OSBPL9: variants seen among roughly 807,000 people sequenced by gnomAD.
OSBPL9 encodes the protein oxysterol-binding protein-related protein 9.
A neutral mutation model predicts 106.6 loss-of-function variants in OSBPL9; 40 were observed. The ratio of observed to expected loss-of-function variants is 0.38; its 90% CI spans 0.29 to 0.49. The LOEUF (loss-of-function observed/expected upper bound fraction) is 0.49, where lower values mean the gene tolerates loss of function less well. OSBPL9 is among the 20% of genes least tolerant of loss of function. The probability of loss-of-function intolerance (pLI) is 0.97; values close to 1 mark genes in which losing one functional copy is unlikely to be tolerated. For missense variants in OSBPL9, 609 were observed against 887.2 expected, an observed-to-expected ratio of 0.69 and a Z score of 3.98; for synonymous variants, 269 against 295.4, an observed-to-expected ratio of 0.91 and a Z score of 0.92.
At chr1:51,739,451 C>G (rs1273339178) in intron 4 of OSBPL9, among the ~76,000 whole-genome samples, 1 of 151,938 alleles carries the variant, frequency 6.6e-6, no homozygotes, top group Non-Finnish European at 1.5e-5. Flanking sequence ...AAAGACCTTA[C>G]TTTTCAGGGC....
chr1:51,617,335 C>A, intron 1 of OSBPL9, 114 bp downstream of exon 1: 1 of 1,061,110 alleles, frequency 9.4e-7, no homozygotes, highest in East Asian at 2.7e-5. Context: ...GGGGTGCCGC[C>A]GTACGCGAGG....
At chr1:51,642,196 C>G (rs1645845166) in intron 1 of OSBPL9, among the ~76,000 whole-genome samples, 1 of 152,050 alleles carries the variant, frequency 6.6e-6, no homozygotes, top group South Asian at 2.1e-4. Context: ...TTGAGGGTTA[C>G]GTTAATGAAA....
Position 51,784,574 on chromosome 1 carries a change from C to G in OSBPL9, c.1821C>G (p.Ala607=), listed in dbSNP as rs772419514. The G allele has an allele frequency of 1.9e-6, 3 of 1,613,678 alleles. No homozygotes were observed. The highest frequency in any genetic ancestry group is 2.2e-5 in the East Asian group (1 of 44,884). Reference sequence around the variant, plus strand: ...GGGGCAAGAAGCACAGAATTACTGCCGAGATTTTGTAGGTATTTTTTCTGC... The same window carrying G: ...GGGGCAAGAAGCACAGAATTACTGCGGAGATTTTGTAGGTATTTTTTCTGC... The part of the protein sequence containing the change: ...FYGGKKHRIT[A]EIFSPNDKKS... The change falls in exon 20 of 24, where the codon GCC becomes GCG. Residue 607 remains alanine (A), a synonymous_variant. Coordinates refer to ENST00000428468, the MANE Select transcript of OSBPL9 (RefSeq NM_024586.6).
In OSBPL9 at chr1:51,705,138, G is replaced by A. The variant is rs116797708; in HGVS notation, c.242-8865G>A. Among the ~76,000 whole-genome samples, 969 of 151,306 alleles carry A rather than the reference G, an allele frequency of 6.4e-3. 7 individuals carry two copies. Among genetic ancestry groups the A allele is most frequent in the Non-Finnish European group, 0.011 (758 of 67,830 alleles). ...CTTTTTAAAAATCTTTTATTTGATG[G>A]TATGTCTGAAAATCACTCCAAATCA... On this transcript the variant is annotated intron_variant, in intron 3 of 23. Transcript: ENST00000428468.
intron 3 of OSBPL9, among the ~76,000 whole-genome samples, chr1:51,672,782 G>A (rs1261047767): frequency 6.6e-6 from 1 of 152,218 alleles, no homozygotes; most frequent in East Asian, 1.9e-4. Context: ...CAAGAATGGA[G>A]TTGCCATTAA....
intron 1 of OSBPL9, among the ~76,000 whole-genome samples, chr1:51,594,463 A>C (rs1390985352): frequency 1.3e-5 from 2 of 152,136 alleles, no homozygotes; most frequent in African/African-American, 2.4e-5. Flanking sequence ...AGAAAATTTC[A>C]CAATCACAAT....
At chr1:51,645,925 G>C (rs1646127669) in intron 1 of OSBPL9, among the ~76,000 whole-genome samples, 1 of 152,082 alleles carries the variant, frequency 6.6e-6, no homozygotes, top group Non-Finnish European at 1.5e-5. Flanking sequence ...ACTTGATTAT[G>C]TATGTATGGG....
chr1:51,560,354 G>A, the OSBPL9 span, among the ~76,000 whole-genome samples: 10,757 of 152,258 alleles, frequency 0.071, 906 homozygotes, highest in African/African-American at 0.21. Flanking sequence ...TCTTGGACAT[G>A]TCGCTTGGTG....
At chr1:51,763,006 G>A (rs1291611805) in intron 11 of OSBPL9, among the ~76,000 whole-genome samples, 3 of 151,864 alleles carry the variant, frequency 2.0e-5, no homozygotes, top group African/African-American at 4.8e-5. Context: ...TTGTTTAAAC[G>A]TTTTGTTTTT....
intron 1 of OSBPL9, among the ~76,000 whole-genome samples, chr1:51,585,556 T>C (rs1645243447): frequency 6.6e-6 from 1 of 152,062 alleles, no homozygotes; most frequent in African/African-American, 2.4e-5. Flanking sequence ...GGAAGGCAGA[T>C]CACAAGGTCA....
chr1:51,760,578 A>C (rs1259627072), intron 9 of OSBPL9, 112 bp from the exon 10 acceptor site: 16 of 1,476,436 alleles, frequency 1.1e-5, no homozygotes, highest in Non-Finnish European at 1.5e-5. Context: ...TTTGATCAAC[A>C]TATCTATATA....
chr1:51,574,758 C>T (rs1282480384), upstream of OSBPL9, among the ~76,000 whole-genome samples: 3 of 152,156 alleles, frequency 2.0e-5, no homozygotes, highest in East Asian at 1.9e-4. Flanking sequence ...ATCCCTTACA[C>T]ATATTTATGT....
At chr1:51,587,357 T>C (rs1484635560) in intron 1 of OSBPL9, among the ~76,000 whole-genome samples, 1 of 151,984 alleles carries the variant, frequency 6.6e-6, no homozygotes, top group Admixed American at 6.6e-5. Context: ...AGAGCCAGAC[T>C]CCGTCTCAAA....
intron 3 of OSBPL9, among the ~76,000 whole-genome samples, chr1:51,684,942 AG>A (rs1460282078): frequency 7.6e-6 from 1 of 131,112 alleles, no homozygotes; most frequent in African/African-American, 3.0e-5. Context: ...AAGAGAATCT[AG>A]CTCTGTCACC....
At chr1:51,717,037 C>G (rs1021696972) in intron 4 of OSBPL9, among the ~76,000 whole-genome samples, 1 of 151,994 alleles carries the variant, frequency 6.6e-6, no homozygotes, top group Admixed American at 6.6e-5. Context: ...ACAATCACAG[C>G]TCACTGCAAC....
In OSBPL9 at chr1:51,760,687, T is replaced by A; in HGVS notation, c.583-3T>A. ...ATAGCTATATTGTGTTTCTTTATTT[T>A]AGAGTACTATTAATCCCGTAGATGC... is the stretch of plus-strand genomic sequence containing the variant. On this transcript the variant is annotated splice_region_variant and splice_polypyrimidine_tract_variant and intron_variant, in intron 9 of 23. Transcript: ENST00000428468. The A allele has an allele frequency of 6.2e-7, 1 of 1,613,710 alleles. No individual in the cohort carries two copies. The highest frequency in any genetic ancestry group is 8.5e-7 in the Non-Finnish European group (1 of 1,179,768).
intron 1 of OSBPL9, among the ~76,000 whole-genome samples, chr1:51,577,775 C>T (rs1378458540): frequency 6.6e-6 from 1 of 152,166 alleles, no homozygotes; most frequent in Non-Finnish European, 1.5e-5. Flanking sequence ...GATGAATGTC[C>T]TGTTTTTTCC....
At chr1:51,715,650 A>G (rs1487775285) in intron 4 of OSBPL9, among the ~76,000 whole-genome samples, 3 of 151,968 alleles carry the variant, frequency 2.0e-5, no homozygotes, top group Admixed American at 6.6e-5. Context: ...CCGCCCCCCC[A>G]TTGTTGGTTA....
chr1:51,711,778 C>T (rs1326616350), intron 3 of OSBPL9, among the ~76,000 whole-genome samples: 6 of 141,206 alleles, frequency 4.2e-5, no homozygotes, highest in African/African-American at 1.3e-4. Context: ...CCAGATGGGG[C>T]GGCGGGGCAG....
Sources: gnomAD v4.1 joint callset for allele counts (sites outside exome capture counted in the v4.1 genomes callset) on GRCh38, gnomAD v4.1.1 for gene constraint, MANE v1.5 for transcripts, NCBI Gene and HGNC (gene_info 2026-07-23, HGNC 2026-07-21) for gene names.